The following LRRC66 variants were observed in gnomAD, a reference collection of about 807,000 sequenced individuals.
LRRC66 encodes leucine rich repeat containing 66, also known as leucine-rich repeat-containing protein 66.
A neutral mutation model predicts 24.6 loss-of-function variants in LRRC66; 29 were observed. That is an observed-to-expected ratio of 1.18 (90% CI 0.88 to 1.61). The LOEUF is 1.61. LRRC66 is among the 40% of genes most tolerant of loss of function. The pLI is 0.00. For missense variants in LRRC66, 1,124 were observed against 1,058.0 expected (o/e 1.06, Z -0.87); for synonymous variants, 411 against 397.6 (o/e 1.03, Z -0.40).
At chr4:52,005,602 CAAA>C (rs3066999) in intron 2 of LRRC66, among the ~76,000 whole-genome samples, 36 of 145,502 alleles carry the variant, frequency 2.5e-4, no homozygotes, top group East Asian at 4.0e-4. Flanking sequence ...AAACAAACAA[CAAA>C]AAAAAAAAAA....
Position 52,005,606 on chromosome 4 carries a change from A to C in LRRC66, c.497-2214T>G, listed in dbSNP as rs1448976544. On this transcript the variant is annotated intron_variant, in intron 2 of 4. Transcript: ENST00000682860. Reference sequence around the variant, plus strand: ...CTGTCTCAAACAAACAAACAACAAAAAAAAAAAAACAGGAAAACAAAGGAT... The same window carrying C: ...CTGTCTCAAACAAACAAACAACAAACAAAAAAAAACAGGAAAACAAAGGAT... Among the ~76,000 whole-genome samples, 438 of 114,926 alleles carry C rather than the reference A, an allele frequency of 3.8e-3. 6 individuals carry two copies. Among genetic ancestry groups the C allele is most frequent in the Admixed American group, 0.038 (376 of 9,960 alleles). 75.4% of individuals were successfully genotyped at this position (114,926 alleles called of 152,430 possible).
chr4:52,011,026 C>T (rs919497200), intron 2 of LRRC66, among the ~76,000 whole-genome samples: 6 of 152,018 alleles, frequency 3.9e-5, no homozygotes, highest in South Asian at 2.1e-4. Context: ...AGGAGATCAG[C>T]GGTTTCCTGG....
Position 51,995,029 on chromosome 4 carries a change from C to T in LRRC66, c.1993G>A (p.Gly665Ser), listed in dbSNP as rs898543301. The change falls in exon 5 of 5, where the codon GGC (glycine) becomes AGC (serine). Residue 665 changes from glycine to serine, a missense_variant. Gly to Ser is a moderately conservative substitution (Grantham distance 56). Transcript: ENST00000682860. Reference sequence around the variant, plus strand: ...CATCTTGGAGGAAAGACTGATGGGCCTGTGTCTCTTGGGTCACCGTATGGA... The same window carrying T: ...CATCTTGGAGGAAAGACTGATGGGCTTGTGTCTCTTGGGTCACCGTATGGA... ...EVPYGDPRDT[G>S]PSVFPPRWDS... 3.1e-6 allele frequency: 5 copies of T among 1,614,022 alleles called. No individual in the cohort carries two copies. The highest frequency in any genetic ancestry group is 3.4e-6 in the Non-Finnish European group (4 of 1,180,052).
chr4:52,007,622 A>G (rs1296510290), intron 2 of LRRC66, among the ~76,000 whole-genome samples: 1 of 152,242 alleles, frequency 6.6e-6, no homozygotes, highest in Non-Finnish European at 1.5e-5. Flanking sequence ...TTTGGAGTCC[A>G]GTGGAAGCCA....
At chr4:52,013,609 T>G (rs1736745742) in intron 2 of LRRC66, among the ~76,000 whole-genome samples, 1 of 152,212 alleles carries the variant, frequency 6.6e-6, no homozygotes, top group Non-Finnish European at 1.5e-5. Flanking sequence ...CATGGCTGGC[T>G]TCTGTTTTAT....
At chr4:52,005,980 C>T (rs541094775) in intron 2 of LRRC66, among the ~76,000 whole-genome samples, 1 of 152,318 alleles carries the variant, frequency 6.6e-6, no homozygotes, top group Non-Finnish European at 1.5e-5. Flanking sequence ...CAAAATAAGA[C>T]ACCAATATGA....
In LRRC66 at chr4:51,995,582, C is replaced by G. The variant is rs1284829740; in HGVS notation, c.1440G>C (p.Lys480Asn). Residue 480 changes from lysine to asparagine, a missense_variant, in exon 5 of 5, where the codon AAG (lysine) becomes AAC (asparagine). Lys to Asn is a moderately conservative substitution (Grantham distance 94, BLOSUM62 0). Coordinates refer to ENST00000682860, the MANE Select transcript of LRRC66 (RefSeq NM_001024611.3). Reference sequence around the variant, plus strand: ...CTGGGCTCTGCGAACTGCCAGGATCCTTTCTGCTCCTTCCCAGAGTTCTAT... The same window carrying G: ...CTGGGCTCTGCGAACTGCCAGGATCGTTTCTGCTCCTTCCCAGAGTTCTAT... ...IPDRTLGRSR[K>N]DPGSSQSPGQ... 1 of 1,614,162 alleles carries G rather than the reference C, an allele frequency of 6.2e-7. No homozygotes were observed. Among genetic ancestry groups the G allele is most frequent in the South Asian group, 1.1e-5 (1 of 91,072 alleles).
intron 1 of LRRC66, chr4:52,018,624 T>C (rs1453957566): frequency 2.0e-6 from 2 of 979,554 alleles, no homozygotes; most frequent in Non-Finnish European, 2.4e-6. Context: ...TCCAAAGGAT[T>C]ATTTTCCTAC....
rs552196735 is a variant in LRRC66, at chr4:52,003,512, C to T, written c.497-120G>A. 4.7e-5 allele frequency: 35 copies of T among 747,444 alleles called. No individual in the cohort carries two copies. In the South Asian group the frequency reaches 5.0e-4, roughly 11 times the overall value. 46.3% of individuals were successfully genotyped at this position (747,444 alleles called of 1,614,324 possible). The stretch of plus-strand genomic sequence containing the variant: ...TCTCAATTGAGGTATTGTTAAACAA[C>T]GTATGGTATATTAATACTATGAAAT... On this transcript the variant is annotated intron_variant, in intron 2 of 4. Transcript: ENST00000682860.
chr4:52,006,111 A>C (rs1046092676), intron 2 of LRRC66, among the ~76,000 whole-genome samples: 2 of 152,208 alleles, frequency 1.3e-5, no homozygotes, highest in South Asian at 2.1e-4. Context: ...CTAGGAGCTA[A>C]GTGGAGGGAG....
intron 2 of LRRC66, among the ~76,000 whole-genome samples, chr4:52,013,756 C>G (rs1736750111): frequency 6.6e-6 from 1 of 152,152 alleles, no homozygotes; most frequent in South Asian, 2.1e-4. Flanking sequence ...TGAGTGAAAG[C>G]AACTTTTCAT....
intron 4 of LRRC66, among the ~76,000 whole-genome samples, chr4:51,996,720 T>C (rs769328129): frequency 3.3e-5 from 5 of 152,220 alleles, no homozygotes; most frequent in Non-Finnish European, 7.3e-5. Context: ...CATTTACACA[T>C]GGCTATCAGG....
chr4:52,017,518 G>T lies in LRRC66; in HGVS notation c.96C>A (p.Phe32Leu). The stretch of plus-strand genomic sequence containing the variant: ...ATTCATTCCATTGGCATTCAGAATT[G>T]AATAAAATATTGCTTTTTCTTGATG... ...TNASRKSNIL[F>L]NSECQWNEYI... The change falls in exon 2 of 5, where the codon TTC becomes TTA. Residue 32 changes from phenylalanine (F) to leucine (L), a missense_variant. Transcript: ENST00000682860. 6.2e-7 allele frequency: 1 copy of T among 1,613,198 alleles called. No individual in the cohort carries two copies. Among genetic ancestry groups the T allele is most frequent in the Non-Finnish European group, 8.5e-7 (1 of 1,179,674 alleles).
chr4:52,014,283 T>C (rs1020811129), intron 2 of LRRC66, among the ~76,000 whole-genome samples: 2 of 152,150 alleles, frequency 1.3e-5, no homozygotes, highest in Non-Finnish European at 2.9e-5. Context: ...AACCTTGAGA[T>C]TTAGACAAAA....
At chr4:52,020,261 G>T (rs1024877964) in intron 1 of LRRC66, among the ~76,000 whole-genome samples, 43 bp downstream of exon 1, 1 of 152,200 alleles carries the variant, frequency 6.6e-6, no homozygotes, top group African/African-American at 2.4e-5. Context: ...GCTATTTCGG[G>T]TAAGGACAAG....
intron 2 of LRRC66, among the ~76,000 whole-genome samples, 153 bp from the exon 3 acceptor site, chr4:52,003,545 G>A (rs1196115587): frequency 6.6e-6 from 1 of 152,148 alleles, no homozygotes; most frequent in Admixed American, 6.5e-5. Flanking sequence ...AATAATATGT[G>A]GTCTCAAAGG....
intron 2 of LRRC66, among the ~76,000 whole-genome samples, chr4:52,008,694 A>C (rs1365316232): frequency 3.3e-5 from 5 of 152,184 alleles, no homozygotes; most frequent in African/African-American, 4.8e-5. Context: ...TATTTGAAAA[A>C]CAAAGGCAAA....
rs1365448849 is a variant in LRRC66 at position 51,995,840 on chromosome 4, C to T, written c.1182G>A (p.Gly394=). 2.5e-6 allele frequency: 4 copies of T among 1,614,140 alleles called. No individual in the cohort carries two copies. In the South Asian group the frequency reaches 4.4e-5, roughly 18 times the overall value. Residue 394 remains glycine (G), a synonymous_variant, in exon 5 of 5, where the codon GGG becomes GGA. Coordinates refer to ENST00000682860, the MANE Select transcript of LRRC66 (RefSeq NM_001024611.3). ...TGTCAACATAAGGCCTTGTGAAAGC[C>T]CCCAGGCTGAAGGCGACAAGGAATG... The part of the protein sequence containing the change: ...FITFLVAFSL[G]AFTRPYVDRL...
intron 2 of LRRC66, among the ~76,000 whole-genome samples, chr4:52,003,676 G>C (rs951139581): frequency 3.3e-5 from 5 of 152,182 alleles, no homozygotes; most frequent in African/African-American, 1.2e-4. Context: ...CATAGATTTT[G>C]AGTGAGCAGG....
Sources: gnomAD v4.1 joint callset for allele counts (sites outside exome capture counted in the v4.1 genomes callset) on GRCh38, gnomAD v4.1.1 for gene constraint, MANE v1.5 for transcripts, NCBI Gene and HGNC (gene_info 2026-07-23, HGNC 2026-07-21) for gene names.